CCDC83: variants seen among roughly 807,000 people sequenced by gnomAD.
CCDC83 encodes coiled-coil domain containing 83.
CCDC83 carries 54 observed loss-of-function variants against 50.1 expected under a neutral mutation model. The ratio of observed to expected loss-of-function variants is 1.08; its 90% CI spans 0.87 to 1.35. The LOEUF is 1.35. Among genes scored for constraint, CCDC83 ranks in the 40% most tolerant of loss-of-function variants. The pLI is 0.00. For missense variants in CCDC83, 518 were observed against 473.9 expected (o/e 1.09, Z -0.86); for synonymous variants, 161 against 153.3 (o/e 1.05, Z -0.37).
rs111520314 is a variant in CCDC83, at chr11:85,908,705, A to G, written c.673-2576A>G. Reference sequence around the variant, plus strand: ...CTTGCTTGAAGCCCAGGAGTTTGAGACCAACCTGACCAACATGATGAAACC... The same window carrying G: ...CTTGCTTGAAGCCCAGGAGTTTGAGGCCAACCTGACCAACATGATGAAACC... On this transcript the variant is annotated intron_variant, in intron 7 of 10. Transcript: ENST00000342404. 6.2e-3 allele frequency among the ~76,000 whole-genome samples: 934 copies of G among 151,500 alleles called. 10 individuals carry two copies. The highest frequency in any genetic ancestry group is 0.021 in the African/African-American group (885 of 41,244).
rs752971434 is a variant in CCDC83, at chr11:85,886,286, G to C, written c.430G>C (p.Gly144Arg). The C allele has an allele frequency of 2.5e-6, 4 of 1,610,912 alleles. No homozygotes were observed. The African/African-American group carries it at 5.3e-5, about 21-fold the overall frequency. The change falls in exon 5 of 11, where the codon GGG becomes CGG. Residue 144 changes from glycine to arginine, a missense_variant. Coordinates refer to ENST00000342404, the MANE Select transcript of CCDC83 (RefSeq NM_001286159.2). ...KEYWEEYKNV[G>R]SERHAKLITS... ...ATATTGGGAGGAGTACAAGAATGTA[G>C]GGAGTGAACGACATGCTAAACTCAT...
intron 7 of CCDC83, among the ~76,000 whole-genome samples, chr11:85,903,064 C>A (rs982068167): frequency 6.6e-6 from 1 of 151,872 alleles, no homozygotes; most frequent in Non-Finnish European, 1.5e-5. Context: ...AAACCCCCAT[C>A]TCTACTAAAA....
At chr11:85,900,106 A>C (rs997707807) in intron 7 of CCDC83, among the ~76,000 whole-genome samples, 1 of 152,298 alleles carries the variant, frequency 6.6e-6, no homozygotes, top group African/African-American at 2.4e-5. Flanking sequence ...GCAAAACTCA[A>C]TGTTTTTGGA....
Position 85,902,461 on chromosome 11 carries a change from CT to C in CCDC83, c.672+3447del, listed in dbSNP as rs368997220. ...TCCCAGTATACCAGGGAAGAAGTGT[CT>C]GAGGATGATAATTGTGTTGCAGGCC... On this transcript the variant is annotated intron_variant, in intron 7 of 10. Coordinates refer to ENST00000342404, the MANE Select transcript of CCDC83 (RefSeq NM_001286159.2). 2.0e-3 allele frequency among the ~76,000 whole-genome samples: 302 copies of C among 152,274 alleles called. 1 individual carries two copies. The highest frequency in any genetic ancestry group is 6.9e-3 in the African/African-American group (288 of 41,534).
rs137912016 is a variant in CCDC83, at chr11:85,870,483, C to T, written c.96-2728C>T. Among the ~76,000 whole-genome samples the T allele has an allele frequency of 2.2e-3, 339 of 151,734 alleles. 4 individuals carry two copies. Among genetic ancestry groups the T allele is most frequent in the African/African-American group, 7.8e-3 (324 of 41,396 alleles). On this transcript the variant is annotated intron_variant, in intron 2 of 10. Coordinates refer to ENST00000342404, the MANE Select transcript of CCDC83 (RefSeq NM_001286159.2). Reference sequence around the variant, plus strand: ...TCATTTATAATACTTTTTTTTTAATCTCCTGAAAAACGGGAGGTAGAAAAG... The same window carrying T: ...TCATTTATAATACTTTTTTTTTAATTTCCTGAAAAACGGGAGGTAGAAAAG...
chr11:85,887,249 A>G (rs1293505952), intron 5 of CCDC83, among the ~76,000 whole-genome samples: 1 of 152,246 alleles, frequency 6.6e-6, no homozygotes, highest in Non-Finnish European at 1.5e-5. Flanking sequence ...TGAGGCAAGC[A>G]TAGCAGCTTA....
intron 8 of CCDC83, among the ~76,000 whole-genome samples, chr11:85,912,329 G>C (rs778040498): frequency 2.0e-5 from 3 of 152,170 alleles, no homozygotes; most frequent in Non-Finnish European, 4.4e-5. Flanking sequence ...TCCAGGAAAG[G>C]TGGATACAGG....
chr11:85,887,693 A>G (rs2093333583), intron 5 of CCDC83, among the ~76,000 whole-genome samples: 1 of 151,836 alleles, frequency 6.6e-6, no homozygotes, highest in South Asian at 2.1e-4. Flanking sequence ...ATAGCATGCT[A>G]TAAATATGAT....
At chr11:85,881,356 G>C (rs146343097) in intron 3 of CCDC83, among the ~76,000 whole-genome samples, 2,384 of 151,500 alleles carry the variant, frequency 0.016, 21 homozygotes, top group Non-Finnish European at 0.021. Context: ...CTTGGTGACA[G>C]AGCAAGACTC....
chr11:85,862,785 T>C (rs1266207011), intron 1 of CCDC83, among the ~76,000 whole-genome samples: 1 of 152,192 alleles, frequency 6.6e-6, no homozygotes, highest in East Asian at 1.9e-4. Flanking sequence ...CATTATCAAA[T>C]GCAAAAATAG....
intron 3 of CCDC83, among the ~76,000 whole-genome samples, chr11:85,879,756 A>T (rs1425931613): frequency 2.6e-5 from 4 of 152,048 alleles, no homozygotes; most frequent in Non-Finnish European, 5.9e-5. Context: ...AGTAGCTGGG[A>T]TTACAAGCAG....
At chr11:85,883,323 G>A (rs1205506073) in intron 4 of CCDC83, among the ~76,000 whole-genome samples, 1 of 151,006 alleles carries the variant, frequency 6.6e-6, no homozygotes, top group East Asian at 1.9e-4. Context: ...CTGTTGTTTG[G>A]TGGTTTCATT....
intron 10 of CCDC83, chr11:85,916,656 A>G (rs567906277): frequency 5.8e-6 from 1 of 170,950 alleles, no homozygotes; most frequent in East Asian, 1.9e-4. Context: ...TGATCGGGGC[A>G]GGAGTCTTCA....
At chr11:85,856,212 A>C (rs1266878332) in intron 1 of CCDC83, among the ~76,000 whole-genome samples, 1 of 151,756 alleles carries the variant, frequency 6.6e-6, no homozygotes, top group African/African-American at 2.4e-5. Context: ...AAGGAAAAGA[A>C]AGATTCCTGT....
intron 3 of CCDC83, among the ~76,000 whole-genome samples, chr11:85,881,463 C>T (rs1322586115): frequency 1.3e-5 from 2 of 152,090 alleles, no homozygotes; most frequent in Non-Finnish European, 2.9e-5. Flanking sequence ...TTCTCTGTCA[C>T]CCAAGCTGGA....
intron 1 of CCDC83, among the ~76,000 whole-genome samples, chr11:85,861,998 T>TAAAAAAA (rs34372795): frequency 2.1e-5 from 2 of 94,842 alleles, no homozygotes; most frequent in Admixed American, 1.2e-4. Context: ...CCTGTCTCAT[T>TAAAAAAA]AAAAAAAAAA....
At chr11:85,875,279 C>T (rs1012945561) in intron 3 of CCDC83, among the ~76,000 whole-genome samples, 3 of 152,192 alleles carry the variant, frequency 2.0e-5, no homozygotes, top group Non-Finnish European at 4.4e-5. Flanking sequence ...GGAAAGCTCG[C>T]CAAACAGGAA....
intron 10 of CCDC83, among the ~76,000 whole-genome samples, chr11:85,919,056 C>T (rs1174736740): frequency 1.3e-5 from 2 of 152,200 alleles, no homozygotes; most frequent in African/African-American, 4.8e-5. Context: ...TAACTATAGC[C>T]AGCATCCCTC....
At chr11:85,913,858 C>A (rs546994011) in intron 8 of CCDC83, among the ~76,000 whole-genome samples, 1 of 152,318 alleles carries the variant, frequency 6.6e-6, no homozygotes, top group African/African-American at 2.4e-5. Flanking sequence ...ATAATAACAT[C>A]TTTTAAACTA....
Sources: gnomAD v4.1 joint callset for allele counts (sites outside exome capture counted in the v4.1 genomes callset) on GRCh38, gnomAD v4.1.1 for gene constraint, MANE v1.5 for transcripts, NCBI Gene and HGNC (gene_info 2026-07-23, HGNC 2026-07-21) for gene names.